HTR3B: variants seen among roughly 807,000 people sequenced by gnomAD.
HTR3B encodes 5-hydroxytryptamine (serotonin) receptor 3B, ionotropic.
HTR3B carries 44 observed loss-of-function variants against 42.8 expected under a neutral mutation model. That is an observed-to-expected ratio of 1.03 (90% confidence interval 0.81 to 1.32). HTR3B has a LOEUF of 1.32. HTR3B is among the 40% of genes most tolerant of loss of function. HTR3B has a pLI of 0.00. For missense variants in HTR3B, 527 were observed against 536.5 expected (o/e 0.98, Z 0.17); for synonymous variants, 203 against 209.0 (o/e 0.97, Z 0.25).
intron 2 of HTR3B, among the ~76,000 whole-genome samples, chr11:113,915,054 C>T (rs913940586): frequency 2.0e-5 from 3 of 152,018 alleles, no homozygotes; most frequent in African/African-American, 7.3e-5. Flanking sequence ...TTTTCATGCC[C>T]ATAAGATCTC....
chr11:113,904,912 C>T lies in HTR3B; in HGVS notation c.-22C>T, dbSNP rs764130693. On this transcript the variant is annotated 5_prime_UTR_variant, in exon 1 of 9. Transcript: ENST00000260191. Reference sequence around the variant, plus strand: ...ATCTGGTAGGCAAGTTTGCATTTCTCCTTTTTGGGATCTGCCCAGGAATGT... The same window carrying T: ...ATCTGGTAGGCAAGTTTGCATTTCTTCTTTTTGGGATCTGCCCAGGAATGT... 1.1e-5 allele frequency: 18 copies of T among 1,610,356 alleles called. No individual in the cohort carries two copies. The highest frequency in any genetic ancestry group is 1.4e-5 in the Non-Finnish European group (17 of 1,176,870).
At chr11:113,932,551 T>C in intron 5 of HTR3B, 93 bp downstream of exon 5, 1 of 1,109,258 alleles carries the variant, frequency 9.0e-7, no homozygotes, top group Non-Finnish European at 1.3e-6. Context: ...TTCTTGCAGA[T>C]AATTGGCTAT....
chr11:113,918,940 AG>A (rs1949884510), intron 2 of HTR3B, among the ~76,000 whole-genome samples: 1 of 152,140 alleles, frequency 6.6e-6, no homozygotes, highest in Non-Finnish European at 1.5e-5. Flanking sequence ...TACAGGTATG[AG>A]CCACAGTGAC....
Position 113,948,410 on chromosome 11 carries a change from T to C in HTR3B, c.*2273T>C, listed in dbSNP as rs1442065482. Among the ~76,000 whole-genome samples, 2 of 152,334 alleles carry C rather than the reference T, an allele frequency of 1.3e-5. No individual in the cohort carries two copies. On this transcript the variant is annotated 3_prime_UTR_variant, in exon 9 of 9. Transcript: ENST00000260191. ...GTGTCAGAGTCAGGAGTCCTGATGA[T>C]TACGGTCCTGGCTCTGCCATTACCT...
chr11:113,927,112 T>C (rs1053372741), intron 2 of HTR3B, among the ~76,000 whole-genome samples: 1 of 152,212 alleles, frequency 6.6e-6, no homozygotes, highest in East Asian at 1.9e-4. Context: ...TTTTTACTTG[T>C]CATAAAATAC....
At chr11:113,934,816 T>C (rs922844494) in intron 6 of HTR3B, among the ~76,000 whole-genome samples, 3 of 151,910 alleles carry the variant, frequency 2.0e-5, no homozygotes, top group African/African-American at 7.3e-5. Flanking sequence ...ACCTCATTAA[T>C]TTTAAAGATA....
Position 113,946,301 on chromosome 11 carries a change from G to C in HTR3B, c.*164G>C. The C allele has an allele frequency of 1.7e-6, 1 of 604,500 alleles. No individual in the cohort carries two copies. Among genetic ancestry groups the C allele is most frequent in the East Asian group, 2.8e-5 (1 of 35,814 alleles). The allele number at this position is 604,500 out of a possible 1,614,324, so 37.4% of individuals were successfully genotyped here. On this transcript the variant is annotated 3_prime_UTR_variant, in exon 9 of 9. Transcript: ENST00000260191. Reference sequence around the variant, plus strand: ...GGATTGCTTGAGCCCAGGAGTTCGAGACCAGCCAGAGCAACATAGTGAGAC... The same window carrying C: ...GGATTGCTTGAGCCCAGGAGTTCGACACCAGCCAGAGCAACATAGTGAGAC...
chr11:113,926,018 C>A (rs886223647), intron 2 of HTR3B, among the ~76,000 whole-genome samples: 3 of 152,150 alleles, frequency 2.0e-5, no homozygotes, highest in Non-Finnish European at 2.9e-5. Context: ...TTAGCAGTCA[C>A]ACCTCACATT....
At chr11:113,931,621 A>G (rs532286568) in intron 3 of HTR3B, 137 bp from the exon 4 acceptor site, 10 of 675,656 alleles carry the variant, frequency 1.5e-5, no homozygotes, top group Non-Finnish European at 2.5e-5. Context: ...TAGGATTCAG[A>G]TGGGAAGTCC....
chr11:113,904,287 AG>A (rs1359236499), upstream of HTR3B, among the ~76,000 whole-genome samples: 1 of 152,238 alleles, frequency 6.6e-6, no homozygotes, highest in African/African-American at 2.4e-5. Flanking sequence ...AATTGTGAGC[AG>A]TGAAAATTTG....
intron 2 of HTR3B, among the ~76,000 whole-genome samples, chr11:113,915,647 G>C (rs1949844679): frequency 6.6e-6 from 1 of 152,130 alleles, no homozygotes; most frequent in African/African-American, 2.4e-5. Context: ...ATAAACATTT[G>C]CATATGTTTT....
At chr11:113,909,203 G>A (rs1365920469) in intron 1 of HTR3B, 92 bp from the exon 2 acceptor site, 1 of 995,770 alleles carries the variant, frequency 1.0e-6, no homozygotes, top group African/African-American at 1.6e-5. Flanking sequence ...CTATATTCTA[G>A]TAAAAGCCAC....
At chr11:113,936,025 C>T (rs948238395) in intron 6 of HTR3B, among the ~76,000 whole-genome samples, 1 of 152,104 alleles carries the variant, frequency 6.6e-6, no homozygotes, top group Non-Finnish European at 1.5e-5. Context: ...AGGCTACATT[C>T]CACAGGGGGC....
In HTR3B at chr11:113,944,611, A is replaced by G. The variant is rs990725268; in HGVS notation, c.946A>G (p.Ser316Gly). 1.2e-6 allele frequency: 2 copies of G among 1,614,142 alleles called. No individual in the cohort carries two copies. The highest frequency in any genetic ancestry group is 2.7e-5 in the African/African-American group (2 of 75,024). ...FTICMAFLVL[S>G]LAKSIVLVKF... ...CATCTGCATGGCCTTCTTGGTTCTC[A>G]GCTTAGCTAAGTCCATCGTGTTGGT... is the stretch of plus-strand genomic sequence containing the variant. The change falls in exon 8 of 9, where the codon AGC becomes GGC. Residue 316 changes from serine to glycine, a missense_variant. Transcript: ENST00000260191.
At chr11:113,939,364 G>A (rs1346065256) in intron 6 of HTR3B, among the ~76,000 whole-genome samples, 1 of 152,188 alleles carries the variant, frequency 6.6e-6, no homozygotes, top group Non-Finnish European at 1.5e-5. Context: ...AAATGAAAAT[G>A]CAGGACCCCT....
At position 113,946,031 on chromosome 11, in the gene HTR3B, T is replaced by C; in HGVS notation, c.1220T>C (p.Val407Ala). Reference protein sequence around the residue: ...QTDQQEAEWLVLLSRFDRLLF... With the variant: ...QTDQQEAEWLALLSRFDRLLF... ...GACCAACAGGAGGCAGAGTGGCTGG[T>C]CCTCCTGTCCCGCTTTGACCGACTG... Residue 407 changes from valine (V) to alanine (A), a missense_variant, in exon 9 of 9, where the codon GTC becomes GCC. Physicochemically the swap from Val to Ala is moderately conservative, Grantham distance 64. Coordinates refer to ENST00000260191, the MANE Select transcript of HTR3B (RefSeq NM_006028.5). 1.9e-6 allele frequency: 3 copies of C among 1,609,030 alleles called. No individual in the cohort carries two copies. The highest frequency in any genetic ancestry group is 1.7e-6 in the Non-Finnish European group (2 of 1,178,502).
At chr11:113,917,732 G>A (rs1055119860) in intron 2 of HTR3B, among the ~76,000 whole-genome samples, 1 of 152,006 alleles carries the variant, frequency 6.6e-6, no homozygotes, top group Admixed American at 6.6e-5. Context: ...ACCCTCCTGA[G>A]TAGCTGGGAC....
chr11:113,904,880 G>A lies in HTR3B; in HGVS notation c.-54G>A. 2 of 1,387,132 alleles carry A rather than the reference G, an allele frequency of 1.4e-6. No individual in the cohort carries two copies. Among genetic ancestry groups the A allele is most frequent in the East Asian group, 2.3e-5 (1 of 43,788 alleles). The allele number at this position is 1,387,132 out of a possible 1,614,324, so 85.9% of individuals were successfully genotyped here. On this transcript the variant is annotated 5_prime_UTR_variant, in exon 1 of 9. Transcript: ENST00000260191. ...GAACCCTGTTAGGAGAAATTGAGCG[G>A]CATTCCATCTGGTAGGCAAGTTTGC...
chr11:113,920,843 C>A (rs1019705255), intron 2 of HTR3B, among the ~76,000 whole-genome samples: 2 of 152,010 alleles, frequency 1.3e-5, no homozygotes, highest in Admixed American at 6.6e-5. Context: ...GACAGAGTCT[C>A]ACTCTGTCGC....
Sources: allele counts gnomAD v4.1 joint callset (sites outside exome capture counted in the v4.1 genomes callset), GRCh38; gene constraint gnomAD v4.1.1; transcripts MANE v1.5; gene names NCBI Gene and HGNC (gene_info 2026-07-23, HGNC 2026-07-21).